Variants in PEX7 observed in about 807,000 individuals in gnomAD.
PEX7 encodes the protein PTS2 receptor.
A neutral mutation model predicts 47.5 loss-of-function variants in PEX7; 34 were observed. The ratio of observed to expected loss-of-function variants is 0.72; its 90% confidence interval spans 0.54 to 0.95. The LOEUF (loss-of-function observed/expected upper bound fraction) is 0.95. Ranked by LOEUF, PEX7 falls within the 40% of genes least tolerant of loss-of-function variation. The probability of loss-of-function intolerance (pLI) is 0.00; values close to 1 mark genes in which losing one functional copy is unlikely to be tolerated. For synonymous variants in PEX7, 141 were observed against 148.8 expected, an observed-to-expected ratio of 0.95 and a Z score of 0.38; for missense variants, 394 against 400.3, an observed-to-expected ratio of 0.98 and a Z score of 0.13.
chr6:136,911,323 T>C (rs1775929100), intron 9 of PEX7, among the ~76,000 whole-genome samples: 1 of 152,194 alleles, frequency 6.6e-6, no homozygotes, highest in South Asian at 2.1e-4. Context: ...TGTTAGCAAT[T>C]CCTCCCTTTG....
intron 3 of PEX7, among the ~76,000 whole-genome samples, chr6:136,843,835 G>A (rs932233009): frequency 1.3e-5 from 2 of 151,932 alleles, no homozygotes; most frequent in East Asian, 1.9e-4. Flanking sequence ...TGTCTTTTGC[G>A]TGAATATGGG....
At chr6:136,825,128 C>T in intron 1 of PEX7, 86 bp from the exon 2 acceptor site, 1 of 1,063,130 alleles carries the variant, frequency 9.4e-7, no homozygotes, top group South Asian at 1.3e-5. Context: ...GTATTAAAAT[C>T]AGGTATCAAT....
intron 8 of PEX7, among the ~76,000 whole-genome samples, chr6:136,879,870 G>GT (rs1775347166): frequency 6.6e-6 from 1 of 151,706 alleles, no homozygotes; most frequent in Non-Finnish European, 1.5e-5. Flanking sequence ...CCCTTATTAT[G>GT]TTTTTGTGTG....
chr6:136,898,090 GT>G (rs772561620), intron 8 of PEX7, 51 bp from the exon 9 acceptor site: 5 of 1,079,522 alleles, frequency 4.6e-6, no homozygotes, highest in African/African-American at 1.6e-5. Context: ...CTTAATATAA[GT>G]TTTTTGGTAG....
chr6:136,866,727 C>T lies in PEX7; in HGVS notation c.627C>T (p.Tyr209=). Residue 209 remains tyrosine (Y), a synonymous_variant, in exon 6 of 10, where the codon TAC becomes TAT. Coordinates refer to ENST00000318471, the MANE Select transcript of PEX7 (RefSeq NM_000288.4). ...AEILSCDWCK[Y]NENLLVTGAV... is the part of the protein sequence containing the mutation. Reference sequence around the variant, plus strand: ...TCTTGAGTTGTGACTGGTGTAAATACAATGAGGTATAGTGTATGGCTCTAT... The same window carrying T: ...TCTTGAGTTGTGACTGGTGTAAATATAATGAGGTATAGTGTATGGCTCTAT... 6.2e-7 allele frequency: 1 copy of T among 1,612,392 alleles called. No individual in the cohort carries two copies. Among genetic ancestry groups the T allele is most frequent in the South Asian group, 1.1e-5 (1 of 91,046 alleles).
intron 3 of PEX7, among the ~76,000 whole-genome samples, chr6:136,839,914 G>T (rs1269928037): frequency 6.6e-6 from 1 of 152,136 alleles, no homozygotes; most frequent in Admixed American, 6.5e-5. Flanking sequence ...TGTGGTAAGC[G>T]CTGTGAATGT....
chr6:136,839,466 A>T (rs1774454832), intron 3 of PEX7, among the ~76,000 whole-genome samples: 2 of 152,210 alleles, frequency 1.3e-5, no homozygotes, highest in Non-Finnish European at 2.9e-5. Context: ...CAGATTTCAT[A>T]AAGCAGCACA....
chr6:136,898,424 A>G (rs1775690910), intron 9 of PEX7, among the ~76,000 whole-genome samples, 183 bp downstream of exon 9: 1 of 152,258 alleles, frequency 6.6e-6, no homozygotes, highest in Non-Finnish European at 1.5e-5. Context: ...TCCTCTTGAA[A>G]GACTGATTTC....
At chr6:136,874,399 C>G (rs1242559309) in intron 8 of PEX7, among the ~76,000 whole-genome samples, 3 of 152,182 alleles carry the variant, frequency 2.0e-5, no homozygotes, top group African/African-American at 7.2e-5. Context: ...TGGGTGGACA[C>G]AGTGGCTCAT....
chr6:136,911,926 G>A (rs926605988), intron 9 of PEX7, among the ~76,000 whole-genome samples: 2 of 152,174 alleles, frequency 1.3e-5, no homozygotes, highest in Non-Finnish European at 2.9e-5. Context: ...TGTGATCACA[G>A]CTGTTCCACA....
chr6:136,889,775 A>G (rs2115259666), intron 8 of PEX7, among the ~76,000 whole-genome samples: 1 of 152,356 alleles, frequency 6.6e-6, no homozygotes, highest in Non-Finnish European at 1.5e-5. Flanking sequence ...AATATAGAGT[A>G]AAACATTAGA....
intron 5 of PEX7, chr6:136,855,874 A>ATATGCGTATGACCACTATC: frequency 5.0e-6 from 1 of 200,820 alleles, no homozygotes; most frequent in Non-Finnish European, 1.0e-5. Flanking sequence ...CGTATGACCA[A>ATATGCGTATGACCACTATC]ATATAAATCT....
intron 5 of PEX7, among the ~76,000 whole-genome samples, chr6:136,847,789 G>A (rs1434661567): frequency 7.2e-5 from 11 of 152,254 alleles, no homozygotes; most frequent in Non-Finnish European, 1.6e-4. Flanking sequence ...GATGCCTCCA[G>A]CTTTGTTCTT....
rs760557944 is a variant in PEX7 at position 136,846,200 on chromosome 6, A to G, written c.526+19A>G. ...GCCTCAGGTAAATTATTCTGTATTTACCAAAAGCCTTACTTGTAGTGAATG... is the reference window on the plus strand; with the variant it reads ...GCCTCAGGTAAATTATTCTGTATTTGCCAAAAGCCTTACTTGTAGTGAATG... On this transcript the variant is annotated intron_variant, in intron 5 of 9. Coordinates refer to ENST00000318471, the MANE Select transcript of PEX7 (RefSeq NM_000288.4). 1.7e-5 allele frequency: 26 copies of G among 1,505,976 alleles called. No individual in the cohort carries two copies. In the Admixed American group the frequency reaches 4.2e-4, roughly 24 times the overall value. The allele number at this position is 1,505,976 out of a possible 1,614,324, so 93.3% of individuals were successfully genotyped here. A position where few individuals can be genotyped will look rare whatever the true frequency, so the allele number is the denominator to read the frequency against.
intron 5 of PEX7, among the ~76,000 whole-genome samples, chr6:136,862,023 A>G (rs1052239915): frequency 6.9e-6 from 1 of 144,202 alleles, no homozygotes; most frequent in African/African-American, 2.5e-5. Flanking sequence ...CTGTATTTAT[A>G]TATATATATT....
At chr6:136,834,472 C>T (rs2115147130) in intron 3 of PEX7, among the ~76,000 whole-genome samples, 1 of 152,334 alleles carries the variant, frequency 6.6e-6, no homozygotes, top group East Asian at 1.9e-4. Context: ...TTGCCTTGGC[C>T]TCCCAAAGTC....
intron 3 of PEX7, among the ~76,000 whole-genome samples, chr6:136,841,048 T>C (rs575233793): frequency 6.6e-6 from 1 of 152,238 alleles, no homozygotes; most frequent in Admixed American, 6.5e-5. Flanking sequence ...AAATATAAGA[T>C]CCATGGGGGC....
chr6:136,850,917 GTTT>G (rs35220728), intron 5 of PEX7, among the ~76,000 whole-genome samples: 2,772 of 69,108 alleles, frequency 0.04, 37 homozygotes, highest in African/African-American at 0.072. Context: ...AAAACTGATG[GTTT>G]TTTTTTTTTT....
intron 3 of PEX7, among the ~76,000 whole-genome samples, chr6:136,828,432 T>A (rs1024345994): frequency 2.0e-5 from 3 of 152,234 alleles, no homozygotes; most frequent in Admixed American, 6.5e-5. Context: ...TTCTGATTAT[T>A]AAGAAACTGC....
Sources: gnomAD v4.1 joint callset for allele counts (sites outside exome capture counted in the v4.1 genomes callset) on GRCh38, gnomAD v4.1.1 for gene constraint, MANE v1.5 for transcripts, NCBI Gene and HGNC (gene_info 2026-07-23, HGNC 2026-07-21) for gene names.